The following SS18 variants were observed in gnomAD, a reference collection of about 807,000 sequenced individuals.
The protein encoded by SS18 is SS18 subunit of BAF chromatin remodeling complex, also known as protein SSXT.
In SS18, 28 loss-of-function variants were observed where a neutral mutation model predicts 72.5. The ratio of observed to expected loss-of-function variants is 0.39; its 90% confidence interval spans 0.29 to 0.53. SS18 has a LOEUF of 0.53. SS18 is among the 20% of genes least tolerant of loss of function. The pLI, the probability that SS18 is intolerant of heterozygous loss-of-function variation, is 0.76. For missense variants in SS18, 518 were observed against 535.3 expected, an observed-to-expected ratio of 0.97 and a Z score of 0.32; for synonymous variants, 172 against 164.2, an observed-to-expected ratio of 1.05 and a Z score of -0.37.
chr18:26,089,765 G>A (rs1420341449), intron 1 of SS18: 6 of 152,210 alleles, frequency 3.9e-5, no homozygotes, highest in Admixed American at 3.9e-4. Flanking sequence ...TACATTAACT[G>A]GTCACGACAG....
chr18:26,051,284 T>C (rs2053918902), intron 5 of SS18, among the ~76,000 whole-genome samples: 1 of 152,188 alleles, frequency 6.6e-6, no homozygotes, highest in Admixed American at 6.5e-5. Flanking sequence ...GACCTACACA[T>C]ACTTACAAAA....
intron 5 of SS18, 22 bp downstream of exon 5, chr18:26,052,602 G>A: frequency 6.3e-7 from 1 of 1,582,414 alleles, no homozygotes; most frequent in Non-Finnish European, 8.7e-7. Context: ...CTCTAGTCAA[G>A]AAGGACATAA....
In SS18 at chr18:26,052,818, G is replaced by A. The variant is rs748795744; in HGVS notation, c.413C>T (p.Pro138Leu). Residue 138 changes from proline (P) to leucine (L), a missense_variant, in exon 5 of 11, where the codon CCT becomes CTT. Physicochemically the swap from Pro to Leu is moderately conservative, Grantham distance 98 (BLOSUM62 -3). Coordinates refer to ENST00000415083, the MANE Select transcript of SS18 (RefSeq NM_001007559.3). ...PGPNHMPMQG[P>L]GPNQLNMTNS... Reference sequence around the variant, plus strand: ...TGTCATATTGAGTTGATTGGGTCCAGGTCCCTGCATAGGCATATGGTTAGG... The same window carrying A: ...TGTCATATTGAGTTGATTGGGTCCAAGTCCCTGCATAGGCATATGGTTAGG... 4 of 1,614,150 alleles carry A rather than the reference G, an allele frequency of 2.5e-6. No homozygotes were observed. The Admixed American group carries it at 6.7e-5, about 27-fold the overall frequency.
At chr18:26,043,215 T>C (rs998770424) in intron 5 of SS18, among the ~76,000 whole-genome samples, 8 of 152,180 alleles carry the variant, frequency 5.3e-5, no homozygotes, top group South Asian at 4.1e-4. Context: ...AGCTACTAAA[T>C]GGTCCAAAGC....
intron 10 of SS18, among the ~76,000 whole-genome samples, chr18:26,029,768 C>T (rs1030561382): frequency 2.0e-5 from 3 of 152,134 alleles, no homozygotes; most frequent in South Asian, 2.1e-4. Flanking sequence ...TCAGAATCTT[C>T]GTTAGTTTTC....
intron 4 of SS18, among the ~76,000 whole-genome samples, chr18:26,054,853 GTC>G (rs1034545859): frequency 6.6e-6 from 1 of 151,416 alleles, no homozygotes; most frequent in African/African-American, 2.4e-5. Context: ...CGATTCTCCT[GTC>G]TCAGCTTCCC....
chr18:26,074,114 A>T (rs1216228378), intron 3 of SS18, among the ~76,000 whole-genome samples: 2 of 152,142 alleles, frequency 1.3e-5, no homozygotes, highest in African/African-American at 4.8e-5. Context: ...CTTTGGTATC[A>T]CACAGAAAAA....
At chr18:26,058,286 G>A (rs963757730) in intron 3 of SS18, among the ~76,000 whole-genome samples, 1 of 152,182 alleles carries the variant, frequency 6.6e-6, no homozygotes, top group Non-Finnish European at 1.5e-5. Flanking sequence ...GGCCTCCAAG[G>A]GTACAGAGAC....
At chr18:26,067,639 A>C (rs2054242439) in intron 3 of SS18, among the ~76,000 whole-genome samples, 1 of 152,216 alleles carries the variant, frequency 6.6e-6, no homozygotes, top group Non-Finnish European at 1.5e-5. Context: ...TCCCAGGAAG[A>C]GTGCATATAA....
At chr18:26,041,572 C>T (rs1037647262) in intron 5 of SS18, among the ~76,000 whole-genome samples, 26 of 152,112 alleles carry the variant, frequency 1.7e-4, no homozygotes, top group African/African-American at 6.3e-4. Context: ...CACTAACATT[C>T]ATAATTTAAT....
At chr18:26,039,262 T>A (rs776522089) in intron 6 of SS18, 27 bp downstream of exon 6, 3 of 1,570,508 alleles carry the variant, frequency 1.9e-6, no homozygotes, top group Non-Finnish European at 2.6e-6. Flanking sequence ...TTACATTAAG[T>A]AGCAAATTTT....
chr18:26,032,638 A>T, intron 9 of SS18, 106 bp from the exon 10 acceptor site: 1 of 1,283,560 alleles, frequency 7.8e-7, no homozygotes, highest in Non-Finnish European at 1.0e-6. Context: ...TATCTAAGCT[A>T]AAAAAAGATA....
rs2053948280 is a variant in SS18 at position 26,052,898 on chromosome 18, T to A, written c.386-53A>T. The A allele has an allele frequency of 4.8e-6, 7 of 1,466,752 alleles. No homozygotes were observed. In the East Asian group the frequency reaches 1.6e-4, roughly 33 times the overall value. The allele number at this position is 1,466,752 out of a possible 1,614,324, so 90.9% of individuals were successfully genotyped here. ...ATATGAAAGTTAAACAGATGGTCCA[T>A]ACAAAAGTACCTGGAAATAATTTTT... is the stretch of plus-strand genomic sequence containing the variant. On this transcript the variant is annotated intron_variant, in intron 4 of 10. Coordinates refer to ENST00000415083, the MANE Select transcript of SS18 (RefSeq NM_001007559.3).
At chr18:26,047,794 G>C (rs1025254745) in intron 5 of SS18, among the ~76,000 whole-genome samples, 2 of 148,084 alleles carry the variant, frequency 1.4e-5, no homozygotes, top group East Asian at 2.0e-4. Flanking sequence ...AGTGAACCGA[G>C]ATCATGCCAC....
intron 3 of SS18, among the ~76,000 whole-genome samples, chr18:26,071,896 A>G (rs780386974): frequency 7.9e-5 from 12 of 152,154 alleles, no homozygotes; most frequent in Non-Finnish European, 1.2e-4. Context: ...CAAAACAAAA[A>G]TACTGAAGGT....
intron 10 of SS18, among the ~76,000 whole-genome samples, chr18:26,029,762 A>C (rs2053512683): frequency 6.6e-6 from 1 of 152,184 alleles, no homozygotes. Context: ...TGGGTTTCAG[A>C]ATCTTCGTTA....
chr18:26,087,016 C>A (rs1389579530), intron 2 of SS18, among the ~76,000 whole-genome samples: 1 of 152,090 alleles, frequency 6.6e-6, no homozygotes, highest in East Asian at 1.9e-4. Context: ...ACAAACAACA[C>A]AAATGGCCAT....
At position 26,039,286 on chromosome 18, in the gene SS18, T is replaced by G; in HGVS notation, c.775+3A>C. ...GTAGCAAATTTTCCAAATGGAATCT[T>G]ACCCTGTTGAGGAGGTCTATAGGGA... On this transcript the variant is annotated splice_donor_region_variant and intron_variant, in intron 6 of 10. Coordinates refer to ENST00000415083, the MANE Select transcript of SS18 (RefSeq NM_001007559.3). The G allele has an allele frequency of 1.9e-6, 3 of 1,600,328 alleles. No homozygotes were observed. The highest frequency in any genetic ancestry group is 2.6e-6 in the Non-Finnish European group (3 of 1,171,568).
chr18:26,076,691 A>T (rs917441105), intron 3 of SS18, among the ~76,000 whole-genome samples: 5 of 151,994 alleles, frequency 3.3e-5, no homozygotes, highest in African/African-American at 1.2e-4. Context: ...GCATACAGCA[A>T]ATCACAAAAA....
Sources: gnomAD v4.1 joint callset for allele counts (sites outside exome capture counted in the v4.1 genomes callset) on GRCh38, gnomAD v4.1.1 for gene constraint, MANE v1.5 for transcripts, NCBI Gene and HGNC (gene_info 2026-07-23, HGNC 2026-07-21) for gene names.